DCC: variants seen among roughly 807,000 people sequenced by gnomAD.
DCC encodes netrin receptor DCC.
DCC carries 58 observed loss-of-function variants against 172.5 expected under a neutral mutation model. The ratio of observed to expected loss-of-function variants is 0.34; its 90% CI spans 0.27 to 0.42. The LOEUF (loss-of-function observed/expected upper bound fraction) is 0.42, where lower values mean the gene tolerates loss of function less well. Ranked by LOEUF, DCC falls within the 10% of genes least tolerant of loss-of-function variation. The probability of loss-of-function intolerance (pLI) is 1.00; values close to 1 mark genes in which losing one functional copy is unlikely to be tolerated. For synonymous variants in DCC, 709 were observed against 644.5 expected (o/e 1.10, Z -1.52); for missense variants, 1,740 against 1,791.0 (o/e 0.97, Z 0.51).
At chr18:52,642,047 CTGTGGTGTGTGTGTGTATATATAT>C (rs1239959449) in intron 1 of DCC, among the ~76,000 whole-genome samples, 5 of 65,730 alleles carry the variant, frequency 7.6e-5, no homozygotes, top group Admixed American at 2.8e-4. Context: ...TATATATATA[CTGTGGTGTGTGTGTGTATATATAT>C]ATATATATAC....
chr18:52,997,778 C>A (rs767680462), intron 5 of DCC, among the ~76,000 whole-genome samples: 1 of 152,074 alleles, frequency 6.6e-6, no homozygotes, highest in Admixed American at 6.6e-5. Context: ...TGTGTCCAAA[C>A]GAGTATTCGC....
intron 5 of DCC, among the ~76,000 whole-genome samples, chr18:53,030,433 T>C (rs2042011953): frequency 6.6e-6 from 1 of 152,014 alleles, no homozygotes. Context: ...TATTCCATTT[T>C]CATTTCTATT....
chr18:53,284,456 C>A (rs1393892126), intron 12 of DCC, among the ~76,000 whole-genome samples: 1 of 152,216 alleles, frequency 6.6e-6, no homozygotes, highest in South Asian at 2.1e-4. Flanking sequence ...GGGGGTTTCC[C>A]TGCACAAGTT....
At chr18:53,265,565 A>G (rs974959703) in intron 12 of DCC, among the ~76,000 whole-genome samples, 7 of 152,200 alleles carry the variant, frequency 4.6e-5, no homozygotes, top group African/African-American at 1.7e-4. Context: ...AGTTTTCTGA[A>G]TCTTACCCTA....
chr18:52,989,527 GA>G (rs776534170), intron 5 of DCC, among the ~76,000 whole-genome samples: 4 of 151,682 alleles, frequency 2.6e-5, no homozygotes, highest in African/African-American at 7.3e-5. Flanking sequence ...CCGTCTCAAA[GA>G]AAAAAAATTG....
At position 53,322,169 on chromosome 18, in the gene DCC, T is replaced by TC. The variant is rs573727277; in HGVS notation, c.2164+15dup. 494 of 1,270,582 alleles carry TC rather than the reference T, an allele frequency of 3.9e-4. 4 individuals are homozygous for TC. The African/African-American group carries it at 6.3e-3, about 16-fold the overall frequency. 78.7% of individuals were successfully genotyped at this position (1,270,582 alleles called of 1,614,324 possible). On this transcript the variant is annotated intron_variant, in intron 14 of 28. Transcript: ENST00000442544. ...GAATGATCTAGATGGTAAGACTTTTTCCCAGTTACTATCACTCTGATTATC... is the reference window on the plus strand; with the variant it reads ...GAATGATCTAGATGGTAAGACTTTTTCCCCAGTTACTATCACTCTGATTATC...
intron 5 of DCC, among the ~76,000 whole-genome samples, chr18:53,036,421 A>G (rs536750468): frequency 6.6e-6 from 1 of 152,162 alleles, no homozygotes; most frequent in South Asian, 2.1e-4. Context: ...AAGGAATACA[A>G]AATTCAAATA....
At chr18:53,522,457 C>A (rs2144599216) in intron 27 of DCC, among the ~76,000 whole-genome samples, 1 of 152,128 alleles carries the variant, frequency 6.6e-6, no homozygotes, top group Non-Finnish European at 1.5e-5. Context: ...GCCCCTATAG[C>A]CAAGACAGTC....
intron 1 of DCC, among the ~76,000 whole-genome samples, chr18:52,616,222 T>C (rs1478605812): frequency 1.3e-5 from 2 of 152,196 alleles, no homozygotes; most frequent in Non-Finnish European, 2.9e-5. Flanking sequence ...TTAGTTGTCA[T>C]GGTGTTCAGT....
chr18:53,000,132 G>A (rs1414741701), intron 5 of DCC, among the ~76,000 whole-genome samples: 10 of 152,032 alleles, frequency 6.6e-5, no homozygotes, highest in Admixed American at 6.6e-4. Context: ...CTCTAGAACC[G>A]AGACAAGAAG....
intron 15 of DCC, among the ~76,000 whole-genome samples, chr18:53,356,164 G>T (rs1423665777): frequency 6.6e-6 from 1 of 151,966 alleles, no homozygotes; most frequent in Non-Finnish European, 1.5e-5. Context: ...AAGCAATTCT[G>T]CTGCCTTAGC....
chr18:53,104,823 C>T (rs548527924), intron 7 of DCC, among the ~76,000 whole-genome samples: 5 of 152,020 alleles, frequency 3.3e-5, no homozygotes, highest in South Asian at 4.1e-4. Flanking sequence ...ACTTGGGTCC[C>T]GAATGCTCAA....
At chr18:52,928,927 T>A (rs149620413) in intron 5 of DCC, among the ~76,000 whole-genome samples, 2 of 152,192 alleles carry the variant, frequency 1.3e-5, no homozygotes, top group East Asian at 3.9e-4. Context: ...CTGGTGGCAA[T>A]GGAGAGCACT....
chr18:53,116,480 T>G (rs530054586), intron 7 of DCC, among the ~76,000 whole-genome samples: 1 of 151,878 alleles, frequency 6.6e-6, no homozygotes, highest in East Asian at 2.0e-4. Flanking sequence ...TTTTCCTGCT[T>G]CAATGGAATG....
At chr18:52,637,009 C>T (rs1042091391) in intron 1 of DCC, among the ~76,000 whole-genome samples, 1 of 152,178 alleles carries the variant, frequency 6.6e-6, no homozygotes, top group African/African-American at 2.4e-5. Flanking sequence ...TGCAGACAAC[C>T]CCCAGTACCA....
intron 13 of DCC, among the ~76,000 whole-genome samples, chr18:53,312,486 T>C (rs1039576746): frequency 1.3e-5 from 2 of 151,460 alleles, no homozygotes; most frequent in Non-Finnish European, 2.9e-5. Flanking sequence ...TTATCCCAGT[T>C]CAGGAACTAG....
intron 12 of DCC, among the ~76,000 whole-genome samples, chr18:53,291,865 T>C (rs2057008861): frequency 6.6e-6 from 1 of 152,150 alleles, no homozygotes; most frequent in Non-Finnish European, 1.5e-5. Context: ...ACTCACTTTA[T>C]CATAAACTCT....
intron 14 of DCC, among the ~76,000 whole-genome samples, chr18:53,333,224 G>A (rs898542218): frequency 6.6e-6 from 1 of 152,226 alleles, no homozygotes; most frequent in African/African-American, 2.4e-5. Context: ...CCTAAGGGAA[G>A]TGATGTCCTT....
At chr18:53,002,183 C>A (rs946703433) in intron 5 of DCC, among the ~76,000 whole-genome samples, 8 of 152,006 alleles carry the variant, frequency 5.3e-5, no homozygotes, top group African/African-American at 1.9e-4. Context: ...AAGCCTTTTG[C>A]ATTGTGAAAT....
Sources: gnomAD v4.1 joint callset for allele counts (sites outside exome capture counted in the v4.1 genomes callset) on GRCh38, gnomAD v4.1.1 for gene constraint, MANE v1.5 for transcripts, NCBI Gene and HGNC (gene_info 2026-07-23, HGNC 2026-07-21) for gene names.